Variants in DYNC2I2 observed in about 807,000 individuals in gnomAD.
DYNC2I2 encodes the protein dynein 2 intermediate chain 2.
Under a neutral mutation model 52.0 loss-of-function variants are expected in DYNC2I2, and 39 were observed. The ratio of observed to expected loss-of-function variants is 0.75; its 90% CI spans 0.58 to 0.98. The LOEUF is 0.98. Among genes scored for constraint, DYNC2I2 ranks in the 50% least tolerant of loss-of-function variants. The probability of loss-of-function intolerance (pLI) is 0.00; values close to 1 mark genes in which losing one functional copy is unlikely to be tolerated. For missense variants in DYNC2I2, 743 were observed against 728.4 expected (o/e 1.02, Z -0.23); for synonymous variants, 359 against 321.1 (o/e 1.12, Z -1.26).
the DYNC2I2 span, among the ~76,000 whole-genome samples, chr9:128,681,160 G>A: frequency 3.1e-3 from 463 of 151,790 alleles, 7 homozygotes; most frequent in East Asian, 0.034. Context: ...GCGCAGTCTC[G>A]GCTCACTGCA....
At chr9:128,638,591 C>T (rs1021946280) in intron 2 of DYNC2I2, among the ~76,000 whole-genome samples, 3 of 152,142 alleles carry the variant, frequency 2.0e-5, no homozygotes, top group South Asian at 2.1e-4. Flanking sequence ...CCACAAAGAG[C>T]TCCACAGCCA....
intron 1 of DYNC2I2, among the ~76,000 whole-genome samples, chr9:128,644,173 T>G (rs1564342403): frequency 6.6e-6 from 1 of 151,954 alleles, no homozygotes; most frequent in African/African-American, 2.4e-5. Flanking sequence ...CCCTATGAAG[T>G]AAATCCTATC....
chr9:128,634,581 G>A, intron 7 of DYNC2I2, 108 bp downstream of exon 7: 2 of 1,321,972 alleles, frequency 1.5e-6, no homozygotes, highest in East Asian at 2.5e-5. Context: ...GTCTCAGAGT[G>A]GGCAGAAGGC....
intron 1 of DYNC2I2, among the ~76,000 whole-genome samples, chr9:128,644,968 G>C (rs62586292): frequency 1.3e-4 from 20 of 152,250 alleles, no homozygotes; most frequent in African/African-American, 4.6e-4. Flanking sequence ...TAAATGTTGC[G>C]TGTGATTTGA....
upstream of DYNC2I2, among the ~76,000 whole-genome samples, chr9:128,659,831 C>T (rs916209197): frequency 6.6e-6 from 1 of 151,570 alleles, no homozygotes; most frequent in South Asian, 2.1e-4. Context: ...TCACTTGAAC[C>T]TGGGAGGTGG....
chr9:128,646,206 G>A (rs987713185), intron 1 of DYNC2I2, among the ~76,000 whole-genome samples: 2 of 152,110 alleles, frequency 1.3e-5, no homozygotes, highest in African/African-American at 4.8e-5. Flanking sequence ...TTTTCTTTTT[G>A]TTGTTGTTTT....
rs774297644 is a variant in DYNC2I2, at chr9:128,640,715, C to G, written c.411G>C (p.Val137=). 1 of 1,614,156 alleles carries G rather than the reference C, an allele frequency of 6.2e-7. No homozygotes were observed. The highest frequency in any genetic ancestry group is 8.5e-7 in the Non-Finnish European group (1 of 1,180,012). The change falls in exon 2 of 9, where the codon GTG becomes GTC. Residue 137 remains valine, a synonymous_variant. Coordinates refer to ENST00000372715, the MANE Select transcript of DYNC2I2 (RefSeq NM_052844.4). ...CCATCTGCTGCTGCTCGGTCCAGTT[C>G]ACCTCGAAGCCATCAAACGCGTGGC... is the stretch of plus-strand genomic sequence containing the variant. ...WQSHAFDGFE[V]NWTEQQQMVS...
intron 1 of DYNC2I2, among the ~76,000 whole-genome samples, chr9:128,643,698 C>A (rs1314776442): frequency 6.6e-6 from 1 of 152,190 alleles, no homozygotes; most frequent in South Asian, 2.1e-4. Context: ...CCCAAGACGA[C>A]GTGTTGGACT....
the DYNC2I2 span, among the ~76,000 whole-genome samples, chr9:128,668,524 TAA>T: frequency 1.8e-4 from 22 of 123,216 alleles, no homozygotes; most frequent in African/African-American, 9.0e-5. Flanking sequence ...GAGACCATTC[TAA>T]AAAAAAAAAA....
intron 1 of DYNC2I2, among the ~76,000 whole-genome samples, chr9:128,648,497 C>CG (rs1419262252): frequency 2.0e-5 from 3 of 151,434 alleles, no homozygotes; most frequent in Non-Finnish European, 4.4e-5. Context: ...CCAAGCCAAG[C>CG]GGGCAGGGCC....
upstream of DYNC2I2, among the ~76,000 whole-genome samples, chr9:128,660,135 G>A (rs1051145335): frequency 5.0e-4 from 76 of 151,618 alleles, no homozygotes; most frequent in African/African-American, 1.8e-3. Flanking sequence ...TTGAGACGGA[G>A]TCTCGCTCTG....
At chr9:128,646,599 A>G (rs908288650) in intron 1 of DYNC2I2, among the ~76,000 whole-genome samples, 1 of 152,246 alleles carries the variant, frequency 6.6e-6, no homozygotes, top group Non-Finnish European at 1.5e-5. Flanking sequence ...TTCGAGAGAC[A>G]GGCTGACTCT....
chr9:128,675,304 A>T, the DYNC2I2 span, among the ~76,000 whole-genome samples: 1 of 151,906 alleles, frequency 6.6e-6, no homozygotes, highest in East Asian at 1.9e-4. Context: ...CAGCCTCCCA[A>T]CTAGCTGGGA....
upstream of DYNC2I2, among the ~76,000 whole-genome samples, chr9:128,658,311 A>AAC (rs1860875460): frequency 6.6e-6 from 1 of 151,758 alleles, no homozygotes; most frequent in Non-Finnish European, 1.5e-5. Flanking sequence ...GATTACAGGC[A>AAC]CATGCCACCA....
chr9:128,644,513 A>T (rs1437587129), intron 1 of DYNC2I2, among the ~76,000 whole-genome samples: 1 of 152,120 alleles, frequency 6.6e-6, no homozygotes, highest in Non-Finnish European at 1.5e-5. Context: ...TCCTGGGCTC[A>T]AGTGATCCTC....
At chr9:128,637,350 T>C (rs528253345) in intron 2 of DYNC2I2, among the ~76,000 whole-genome samples, 1 of 152,214 alleles carries the variant, frequency 6.6e-6, no homozygotes, top group African/African-American at 2.4e-5. Flanking sequence ...AGCATAAAAG[T>C]GCCCAACGCG....
rs982468061 is a variant in DYNC2I2, at chr9:128,634,832, G to A, written c.1071C>T (p.Gly357=). The part of the protein sequence containing the change: ...PRLFILGTEG[G]FPLKCSLAAG... ...CTGCCAGGGAACACTTGAGCGGGAA[G>A]CCGCCTTCCGTGCCCAGAATGAACA... Residue 357 remains glycine, a synonymous_variant, in exon 7 of 9, where the codon GGC becomes GGT. Transcript: ENST00000372715. 5 of 1,613,322 alleles carry A rather than the reference G, an allele frequency of 3.1e-6. No individual in the cohort carries two copies. The African/African-American group carries it at 6.7e-5, about 22-fold the overall frequency.
the DYNC2I2 span, among the ~76,000 whole-genome samples, chr9:128,662,867 TTTTTC>T: frequency 1.3e-5 from 2 of 149,742 alleles, no homozygotes; most frequent in Non-Finnish European, 3.0e-5. Context: ...CCCAGCCTTT[TTTTTC>T]TTTTGAGACG....
intron 4 of DYNC2I2, 36 bp downstream of exon 4, chr9:128,636,245 T>C (rs1028083880): frequency 1.9e-6 from 3 of 1,552,616 alleles, no homozygotes; most frequent in African/African-American, 1.4e-5. Context: ...AGCTGAGTCC[T>C]GAGAGGAGAG....
Sources: allele counts gnomAD v4.1 joint callset (sites outside exome capture counted in the v4.1 genomes callset), GRCh38; gene constraint gnomAD v4.1.1; transcripts MANE v1.5; gene names NCBI Gene and HGNC (gene_info 2026-07-23, HGNC 2026-07-21).